The following FMO2 variants were observed in gnomAD, a reference collection of about 807,000 sequenced individuals.
FMO2 encodes flavin-containing monooxygenase 2.
Under a neutral mutation model 41.6 loss-of-function variants are expected in FMO2, and 33 were observed. The observed-to-expected ratio is 0.79, with a 90% CI of 0.60 to 1.06. The LOEUF (loss-of-function observed/expected upper bound fraction) is 1.06, where lower values mean the gene tolerates loss of function less well. Ranked by LOEUF, FMO2 falls within the 50% of genes least tolerant of loss-of-function variation. The pLI is 0.00. For synonymous variants in FMO2, 214 were observed against 219.6 expected (o/e 0.97, Z 0.23); for missense variants, 619 against 632.9 (o/e 0.98, Z 0.23).
chr1:171,204,677 T>C (rs1658680145), intron 6 of FMO2, among the ~76,000 whole-genome samples: 1 of 152,108 alleles, frequency 6.6e-6, no homozygotes, highest in Non-Finnish European at 1.5e-5. Flanking sequence ...AAGTGCCACG[T>C]ATCGTCTATT....
intron 5 of FMO2, among the ~76,000 whole-genome samples, chr1:171,203,323 T>TCTCA (rs1553239438): frequency 1.9e-4 from 27 of 144,058 alleles, no homozygotes; most frequent in African/African-American, 6.0e-4. Context: ...AGACCCTGTC[T>TCTCA]CACACACACA....
At chr1:171,189,020 A>T (rs529522901) in intron 2 of FMO2, 1 of 152,356 alleles carries the variant, frequency 6.6e-6, no homozygotes, top group South Asian at 2.1e-4. Context: ...CAGTTTTCAG[A>T]TAAAGAATTT....
At chr1:171,196,961 A>G in intron 4 of FMO2, 150 bp downstream of exon 4, 1 of 652,082 alleles carries the variant, frequency 1.5e-6, no homozygotes, top group Non-Finnish European at 2.6e-6. Flanking sequence ...AAGACACCAA[A>G]CATCATCTTT....
At chr1:171,201,486 A>G (rs991426451) in intron 5 of FMO2, among the ~76,000 whole-genome samples, 2 of 152,182 alleles carry the variant, frequency 1.3e-5, no homozygotes, top group Admixed American at 6.5e-5. Context: ...GGAGCTATAC[A>G]TGCTAGGAAC....
rs920445540 is a variant in FMO2 at position 171,208,818 on chromosome 1, G to A, written c.1281G>A (p.Thr427=). 8.7e-6 allele frequency: 14 copies of A among 1,613,798 alleles called. 1 individual carries two copies. Among genetic ancestry groups the A allele is most frequent in the Middle Eastern group, 1.6e-4 (1 of 6,076 alleles). Reference sequence around the variant, plus strand: ...GGTTTGGAGAAAGCCAGAGCCAGACGTTGCAGACCAATTATGTTGACTACT... The same window carrying A: ...GGTTTGGAGAAAGCCAGAGCCAGACATTGCAGACCAATTATGTTGACTACT... ...IDLFGESQSQ[T]LQTNYVDYLD... Residue 427 remains threonine (T), a synonymous_variant, in exon 9 of 9, where the codon ACG becomes ACA. Transcript: ENST00000209929.
intron 2 of FMO2, 31 bp downstream of exon 2, chr1:171,185,876 G>A: frequency 1.9e-6 from 3 of 1,606,128 alleles, no homozygotes; most frequent in South Asian, 1.1e-5. Flanking sequence ...TCTTGAACAG[G>A]TTGTGTTGTT....
At chr1:171,185,552 A>G in intron 1 of FMO2, 156 bp from the exon 2 acceptor site, 1 of 672,242 alleles carries the variant, frequency 1.5e-6, no homozygotes, top group Non-Finnish European at 2.5e-6. Flanking sequence ...CAAAGGCAAG[A>G]AGAGAGCAGG....
intron 5 of FMO2, among the ~76,000 whole-genome samples, chr1:171,201,863 G>A (rs28369886): frequency 0.1 from 15,484 of 152,094 alleles, 1,416 homozygotes; most frequent in African/African-American, 0.25. Context: ...ATCAGATCTC[G>A]TGAGAACTTA....
chr1:171,187,141 A>G (rs1557972471), intron 2 of FMO2, among the ~76,000 whole-genome samples: 1 of 152,238 alleles, frequency 6.6e-6, no homozygotes, highest in Non-Finnish European at 1.5e-5. Flanking sequence ...CTAAACAGAT[A>G]AGCCCTGACT....
At chr1:171,199,865 C>T (rs1658463885) in intron 5 of FMO2, among the ~76,000 whole-genome samples, 2 of 152,118 alleles carry the variant, frequency 1.3e-5, no homozygotes, top group East Asian at 3.9e-4. Flanking sequence ...CAGGCACATG[C>T]CACACCACAC....
intron 2 of FMO2, among the ~76,000 whole-genome samples, chr1:171,191,345 C>T (rs376115074): frequency 1.3e-5 from 2 of 152,144 alleles, no homozygotes; most frequent in South Asian, 4.1e-4. Flanking sequence ...AAGCCAACCA[C>T]ATTTTTAAGC....
At chr1:171,203,732 T>C (rs1045089168) in intron 5 of FMO2, 133 bp from the exon 6 acceptor site, 10 of 740,574 alleles carry the variant, frequency 1.4e-5, no homozygotes, top group Admixed American at 2.4e-5. Flanking sequence ...GTACTTTACA[T>C]TGAGGTCAAT....
intron 6 of FMO2, among the ~76,000 whole-genome samples, chr1:171,204,783 T>G (rs1253576090): frequency 2.0e-5 from 3 of 152,224 alleles, no homozygotes; most frequent in African/African-American, 7.2e-5. Context: ...TCCATGGATA[T>G]TTGGGATTAA....
rs147112030 is a variant in FMO2 at position 171,187,598 on chromosome 1, A to T, written c.132+1753A>T. On this transcript the variant is annotated intron_variant, in intron 2 of 8. Transcript: ENST00000209929. Reference sequence around the variant, plus strand: ...CCCAGCCATGGAGAGTTTCTTAAAGATACTGATTCCTTTGGTTAAACCTGC... The same window carrying T: ...CCCAGCCATGGAGAGTTTCTTAAAGTTACTGATTCCTTTGGTTAAACCTGC... 2.7e-3 allele frequency among the ~76,000 whole-genome samples: 400 copies of T among 148,548 alleles called. 1 individual carries two copies. The highest frequency in any genetic ancestry group is 5.0e-3 in the Non-Finnish European group (335 of 67,360).
intron 2 of FMO2, chr1:171,186,401 C>T (rs1438131398): frequency 6.6e-6 from 1 of 152,354 alleles, no homozygotes; most frequent in Non-Finnish European, 1.5e-5. Flanking sequence ...AGTCCATTCT[C>T]ATGCTGCTAT....
chr1:171,197,969 T>C (rs906203599), intron 4 of FMO2, among the ~76,000 whole-genome samples: 1 of 152,146 alleles, frequency 6.6e-6, no homozygotes, highest in African/African-American at 2.4e-5. Context: ...CTATAAAATA[T>C]TCGGTTTCAG....
At position 171,210,056 on chromosome 1, in the gene FMO2, T is replaced by C. The variant is rs766000924; in HGVS notation, c.*911T>C. 1.2e-4 allele frequency: 18 copies of C among 152,200 alleles called. No homozygotes were observed. The highest frequency in any genetic ancestry group is 9.2e-4 in the Admixed American group (14 of 15,274). 9.4% of individuals were successfully genotyped at this position (152,200 alleles called of 1,614,324 possible). ...ATTTATTTACAAAACACTTCATTAT[T>C]TATAAAGAATTTACTAACAGTTTAT... On this transcript the variant is annotated 3_prime_UTR_variant, in exon 9 of 9. Transcript: ENST00000209929.
rs1031956431 is a variant in FMO2 at position 171,196,552 on chromosome 1, G to A, written c.322-97G>A. On this transcript the variant is annotated intron_variant, in intron 3 of 8. Transcript: ENST00000209929. ...CTTAACAGATTAGTCCCACTGCTGA[G>A]TCAGGCCTCTTGCATGAAGCAGCAA... The A allele has an allele frequency of 1.6e-5, 18 of 1,094,346 alleles. No individual in the cohort carries two copies. The East Asian group carries it at 4.3e-4, about 26-fold the overall frequency. 67.8% of individuals were successfully genotyped at this position (1,094,346 alleles called of 1,614,324 possible). A position where few individuals can be genotyped will look rare whatever the true frequency, so the allele number is the denominator to read the frequency against.
Position 171,185,717 on chromosome 1 carries a change from G to T in FMO2, c.4G>T (p.Ala2Ser), listed in dbSNP as rs766504127. 1.2e-6 allele frequency: 2 copies of T among 1,613,676 alleles called. No individual in the cohort carries two copies. The highest frequency in any genetic ancestry group is 3.3e-5 in the Admixed American group (2 of 60,018). Residue 2 changes from alanine (A) to serine (S), a missense_variant, in exon 2 of 9, where the codon GCA (alanine) becomes TCA (serine). Coordinates refer to ENST00000209929, the MANE Select transcript of FMO2 (RefSeq NM_001460.5). Reference sequence around the variant, plus strand: ...ATCAACTCCTTGACAGGAGCTGATGGCAAAGAAGGTAGCTGTGATTGGAGC... The same window carrying T: ...ATCAACTCCTTGACAGGAGCTGATGTCAAAGAAGGTAGCTGTGATTGGAGC... MAKKVAVIGAGV... is the reference protein window; with the variant it reads MSKKVAVIGAGV...
Sources: allele counts gnomAD v4.1 joint callset (sites outside exome capture counted in the v4.1 genomes callset), GRCh38; gene constraint gnomAD v4.1.1; transcripts MANE v1.5; gene names NCBI Gene and HGNC (gene_info 2026-07-23, HGNC 2026-07-21).